The following BPTF variants were observed in gnomAD, a reference collection of about 807,000 sequenced individuals.
BPTF encodes the protein nucleosome-remodeling factor subunit BPTF.
BPTF carries 18 observed loss-of-function variants against 292.5 expected under a neutral mutation model. That is an observed-to-expected ratio of 0.06 (90% CI 0.04 to 0.09). The LOEUF (loss-of-function observed/expected upper bound fraction) is 0.09, where lower values mean the gene tolerates loss of function less well. Ranked by LOEUF, BPTF falls within the 10% of genes least tolerant of loss-of-function variation. BPTF has a pLI of 1.00. For synonymous variants in BPTF, 1,225 were observed against 1,251.9 expected (o/e 0.98, Z 0.45); for missense variants, 2,726 against 3,498.7 (o/e 0.78, Z 5.57).
chr17:67,832,079 A>G (rs999685989), intron 1 of BPTF, among the ~76,000 whole-genome samples: 2 of 151,918 alleles, frequency 1.3e-5, no homozygotes, highest in African/African-American at 4.8e-5. Flanking sequence ...TAGTAGAGAC[A>G]GGGTTTCACC....
chr17:67,953,260 CTTT>C (rs57310551), intron 23 of BPTF, among the ~76,000 whole-genome samples: 2 of 122,942 alleles, frequency 1.6e-5, no homozygotes, highest in Non-Finnish European at 1.7e-5. Flanking sequence ...CGCGCCTGGC[CTTT>C]TTTTTTTTTT....
intron 4 of BPTF, chr17:67,875,601 T>G (rs1463005068): frequency 6.3e-7 from 1 of 1,586,370 alleles, no homozygotes; most frequent in South Asian, 1.2e-5. Context: ...TCAGCAAATC[T>G]TGGCGACAAC....
At chr17:67,883,276 A>G (rs2060541640) in intron 4 of BPTF, among the ~76,000 whole-genome samples, 1 of 152,170 alleles carries the variant, frequency 6.6e-6, no homozygotes, top group African/African-American at 2.4e-5. Flanking sequence ...AGATCACGCC[A>G]CTGCACTTCA....
chr17:67,832,194 T>G (rs550863127), intron 1 of BPTF, among the ~76,000 whole-genome samples: 1 of 152,144 alleles, frequency 6.6e-6, no homozygotes, highest in African/African-American at 2.4e-5. Flanking sequence ...GGCCTCTAAT[T>G]TTTTTCATGC....
intron 22 of BPTF, 59 bp downstream of exon 22, chr17:67,947,867 A>G: frequency 2.7e-6 from 4 of 1,476,944 alleles, no homozygotes; most frequent in Non-Finnish European, 3.7e-6. Flanking sequence ...GTGCACACGC[A>G]CAGAGTTCTG....
At chr17:67,867,710 C>A (rs1458025118) in intron 3 of BPTF, among the ~76,000 whole-genome samples, 1 of 152,058 alleles carries the variant, frequency 6.6e-6, no homozygotes, top group Non-Finnish European at 1.5e-5. Context: ...ATGGGTTTTT[C>A]TCATGGTTAG....
intron 23 of BPTF, among the ~76,000 whole-genome samples, chr17:67,953,536 G>A (rs1268355256): frequency 6.9e-6 from 1 of 144,950 alleles, no homozygotes; most frequent in African/African-American, 2.6e-5. Context: ...AGGATTACAG[G>A]CGTGAGCCAC....
chr17:67,945,957 T>A lies in BPTF; in HGVS notation c.7249T>A (p.Ser2417Thr). 1.2e-6 allele frequency: 2 copies of A among 1,614,134 alleles called. No individual in the cohort carries two copies. The highest frequency in any genetic ancestry group is 2.2e-5 in the South Asian group (2 of 91,076). ...GQTLNQVTVS[S>T]PSRPQLQIQQ... ...AACTTTAAATCAAGTTACTGTTTCA[T>A]CCCCATCCCGTCCTCAGCTACAAAT... The change falls in exon 21 of 28, where the codon TCC becomes ACC. Residue 2417 changes from serine to threonine, a missense_variant. By Grantham distance (58) the Ser-to-Thr change is moderately conservative. Coordinates refer to ENST00000306378, the MANE Select transcript of BPTF (RefSeq NM_182641.4).
At chr17:67,837,865 C>T (rs2057254506) in intron 1 of BPTF, among the ~76,000 whole-genome samples, 1 of 152,172 alleles carries the variant, frequency 6.6e-6, no homozygotes. Context: ...CTGAGTTTTA[C>T]CTCCCAAATG....
rs898147016 is a variant in BPTF at position 67,903,352 on chromosome 17, A to G, written c.2544-437A>G. The stretch of plus-strand genomic sequence containing the variant: ...TGGTTTAATAAATTATGGCATATCC[A>G]TGCAATGGAATATTTTTTAATTCCT... On this transcript the variant is annotated intron_variant, in intron 7 of 27. Transcript: ENST00000306378. Among the ~76,000 whole-genome samples, 7 of 152,382 alleles carry G rather than the reference A, an allele frequency of 4.6e-5. No individual in the cohort carries two copies. In the South Asian group the frequency reaches 1.4e-3, roughly 32 times the overall value.
chr17:67,939,199 T>TAAC (rs766609106), intron 18 of BPTF, among the ~76,000 whole-genome samples: 1 of 152,186 alleles, frequency 6.6e-6, no homozygotes, highest in Non-Finnish European at 1.5e-5. Context: ...GGCGTTAGTT[T>TAAC]AACAACAACA....
chr17:67,880,175 C>T (rs191762800), intron 4 of BPTF, among the ~76,000 whole-genome samples: 2 of 151,924 alleles, frequency 1.3e-5, no homozygotes, highest in African/African-American at 4.8e-5. Flanking sequence ...CGTTACCTGC[C>T]CCCGTTAATC....
At position 67,944,294 on chromosome 17, in the gene BPTF, C is replaced by A. The variant is rs1158151918; in HGVS notation, c.6622C>A (p.Arg2208=). 6.2e-7 allele frequency: 1 copy of A among 1,613,996 alleles called. No homozygotes were observed. The highest frequency in any genetic ancestry group is 2.2e-5 in the East Asian group (1 of 44,884). The part of the protein sequence containing the change: ...QAAMPNGTVQ[R]FLFTPLATTA... ...TGCAATGCCAAATGGTACTGTTCAG[C>A]GATTCCTCTTTACCCCATTGGCAAC... is the stretch of plus-strand genomic sequence containing the variant. Residue 2208 remains arginine (R), a synonymous_variant, in exon 20 of 28, where the codon CGA becomes AGA. Transcript: ENST00000306378.
intron 1 of BPTF, among the ~76,000 whole-genome samples, chr17:67,829,258 A>G (rs12601919): frequency 0.21 from 30,374 of 144,158 alleles, 3,812 homozygotes; most frequent in East Asian, 0.67. Flanking sequence ...ATTTTCCTTT[A>G]TTGGCTGTGA....
At chr17:67,867,254 A>C (rs2059445558) in intron 3 of BPTF, among the ~76,000 whole-genome samples, 1 of 152,176 alleles carries the variant, frequency 6.6e-6, no homozygotes, top group Non-Finnish European at 1.5e-5. Flanking sequence ...TGTTTCTTTA[A>C]TTCAAGTATC....
At position 67,912,895 on chromosome 17, in the gene BPTF, A is replaced by G. The variant is rs931461022; in HGVS notation, c.5011A>G (p.Thr1671Ala). 5 of 1,614,104 alleles carry G rather than the reference A, an allele frequency of 3.1e-6. No homozygotes were observed. Among genetic ancestry groups the G allele is most frequent in the Non-Finnish European group, 4.2e-6 (5 of 1,180,042 alleles). Residue 1671 changes from threonine to alanine, a missense_variant, in exon 11 of 28, where the codon ACA (threonine) becomes GCA (alanine). Thr to Ala is a moderately conservative substitution (Grantham distance 58, BLOSUM62 0). This residue lies in a region of BPTF where 144 missense variants were observed against 177.2 expected (regional missense o/e 0.81). Coordinates refer to ENST00000306378, the MANE Select transcript of BPTF (RefSeq NM_182641.4). ...VTDSLTTTGG[T>A]LVTSMTVSKE... ...AGACTCCCTGACCACCACGGGAGGCACACTGGTTACATCTATGACTGTGAG... is the reference window on the plus strand; with the variant it reads ...AGACTCCCTGACCACCACGGGAGGCGCACTGGTTACATCTATGACTGTGAG...
rs113675407 is a variant in BPTF at position 67,947,898 on chromosome 17, G to C, written c.7700+90G>C. The C allele has an allele frequency of 8.0e-5, 108 of 1,345,694 alleles. No individual in the cohort carries two copies. In the African/African-American group the frequency reaches 1.3e-3, roughly 16 times the overall value. The allele number at this position is 1,345,694 out of a possible 1,614,324, so 83.4% of individuals were successfully genotyped here. ...TTCTGAGTTTATACTTGTTTATCTT[G>C]ATTGAAGTTCATTAAATGAGAACAC... is the stretch of plus-strand genomic sequence containing the variant. On this transcript the variant is annotated intron_variant, in intron 22 of 27. Coordinates refer to ENST00000306378, the MANE Select transcript of BPTF (RefSeq NM_182641.4).
intron 27 of BPTF, among the ~76,000 whole-genome samples, chr17:67,977,304 C>T (rs1555694491): frequency 2.0e-5 from 3 of 151,686 alleles, no homozygotes; most frequent in Non-Finnish European, 1.5e-5. Context: ...CACTTGAGGT[C>T]AGCAGTTCAA....
At chr17:67,918,652 G>T in intron 11 of BPTF, 62 bp from the exon 12 acceptor site, 3 of 1,464,878 alleles carry the variant, frequency 2.0e-6, no homozygotes, top group Non-Finnish European at 2.8e-6. Flanking sequence ...GAGTGAATAT[G>T]AATGTGTATG....
Sources: allele counts gnomAD v4.1 joint callset (sites outside exome capture counted in the v4.1 genomes callset), GRCh38; gene constraint gnomAD v4.1.1; regional missense constraint gnomAD v4.1.1; transcripts MANE v1.5; gene names NCBI Gene and HGNC (gene_info 2026-07-23, HGNC 2026-07-21).